The following RABGAP1L variants were observed in gnomAD, a reference collection of about 807,000 sequenced individuals.
RABGAP1L encodes the protein RAB GTPase activating protein 1 like.
RABGAP1L carries 63 observed loss-of-function variants against 137.7 expected under a neutral mutation model. The observed-to-expected ratio is 0.46, with a 90% CI of 0.37 to 0.56. The LOEUF (loss-of-function observed/expected upper bound fraction) is 0.56. RABGAP1L is among the 20% of genes least tolerant of loss of function. The probability of loss-of-function intolerance (pLI) is 0.00; values close to 1 mark genes in which losing one functional copy is unlikely to be tolerated. For missense variants in RABGAP1L, 1,095 were observed against 1,244.0 expected (o/e 0.88, Z 1.80); for synonymous variants, 431 against 433.7 (o/e 0.99, Z 0.08).
chr1:174,244,983 C>T (rs773250279), intron 5 of RABGAP1L: 1 of 152,142 alleles, frequency 6.6e-6, no homozygotes, highest in Non-Finnish European at 1.5e-5. Flanking sequence ...TCAAGGGCAT[C>T]ATTGGGAAGA....
At position 174,295,190 on chromosome 1, in the gene RABGAP1L, T is replaced by C. The variant is rs149803103; in HGVS notation, c.1324-9796T>C. ...CCTTGGCCTCCCAAAATGCTGGGAT[T>C]GCAGGCATGAGCCACTGCGCCCGGA... On this transcript the variant is annotated intron_variant, in intron 10 of 25. Transcript: ENST00000681986. Among the ~76,000 whole-genome samples, 104 of 151,976 alleles carry C rather than the reference T, an allele frequency of 6.8e-4. 1 individual carries two copies. Among genetic ancestry groups the C allele is most frequent in the African/African-American group, 2.3e-3 (95 of 41,450 alleles).
chr1:174,682,321 C>T lies in RABGAP1L; in HGVS notation c.1825-1201C>T, dbSNP rs562296745. Among the ~76,000 whole-genome samples the T allele has an allele frequency of 4.7e-3, 632 of 135,638 alleles. 7 individuals carry two copies. The highest frequency in any genetic ancestry group is 0.023 in the African/African-American group (605 of 26,534). 89.0% of individuals were successfully genotyped at this position (135,638 alleles called of 152,430 possible). A position where few individuals can be genotyped will look rare whatever the true frequency, so the allele number is the denominator to read the frequency against. ...CTATACATACATATATATATATACA[C>T]ACACACACACACACACACATACATC... On this transcript the variant is annotated intron_variant, in intron 14 of 25. Coordinates refer to ENST00000681986, the MANE Select transcript of RABGAP1L (RefSeq NM_001366446.1).
chr1:174,675,043 G>A (rs940753688), intron 14 of RABGAP1L, among the ~76,000 whole-genome samples: 1 of 151,952 alleles, frequency 6.6e-6, no homozygotes, highest in South Asian at 2.1e-4. Flanking sequence ...TAGGTTGCCT[G>A]TTCACTCTGA....
intron 18 of RABGAP1L, among the ~76,000 whole-genome samples, chr1:174,762,184 G>T (rs1457222655): frequency 1.3e-5 from 2 of 152,090 alleles, no homozygotes; most frequent in Non-Finnish European, 2.9e-5. Flanking sequence ...TCCTTTAAAG[G>T]CCTCCATTGC....
At chr1:174,866,254 T>A (rs989638222) in intron 19 of RABGAP1L, among the ~76,000 whole-genome samples, 14 of 151,824 alleles carry the variant, frequency 9.2e-5, no homozygotes, top group African/African-American at 3.4e-4. Flanking sequence ...TATCTATCTA[T>A]AGAAATATAA....
At chr1:174,716,241 T>C (rs761206485) in intron 17 of RABGAP1L, among the ~76,000 whole-genome samples, 4 of 152,240 alleles carry the variant, frequency 2.6e-5, no homozygotes, top group Non-Finnish European at 5.9e-5. Context: ...AACTTAATTA[T>C]CTGCATCCAT....
At chr1:174,277,080 T>G (rs1675064092) in intron 9 of RABGAP1L, among the ~76,000 whole-genome samples, 1 of 152,136 alleles carries the variant, frequency 6.6e-6, no homozygotes, top group African/African-American at 2.4e-5. Context: ...TATGAAAATA[T>G]AATATGTTAA....
Position 174,562,299 on chromosome 1 carries a change from A to G in RABGAP1L, c.1711-75076A>G, listed in dbSNP as rs186464862. Among the ~76,000 whole-genome samples the G allele has an allele frequency of 3.9e-3, 590 of 152,388 alleles. 7 individuals are homozygous for G. The highest frequency in any genetic ancestry group is 0.014 in the African/African-American group (572 of 41,592). ...TAGAGAAATGCAAATCAAAACCACA[A>G]TGAGATAACAATCTCACACCATTTA... is the stretch of plus-strand genomic sequence containing the variant. On this transcript the variant is annotated intron_variant, in intron 13 of 25. Coordinates refer to ENST00000681986, the MANE Select transcript of RABGAP1L (RefSeq NM_001366446.1).
intron 18 of RABGAP1L, among the ~76,000 whole-genome samples, chr1:174,759,656 G>A (rs999922185): frequency 4.6e-5 from 7 of 151,954 alleles, no homozygotes; most frequent in East Asian, 3.9e-4. Flanking sequence ...GGTTATATAC[G>A]AAACATAGTA....
chr1:174,424,230 A>G (rs1202803031), intron 13 of RABGAP1L, among the ~76,000 whole-genome samples: 3 of 152,140 alleles, frequency 2.0e-5, no homozygotes, highest in Non-Finnish European at 2.9e-5. Context: ...GTGTTGACCT[A>G]AAATAAGATG....
chr1:174,558,474 T>C lies in RABGAP1L; in HGVS notation c.1711-78901T>C, dbSNP rs908886749. ...AAGAGTTACCCTAGAGAGACAAATA[T>C]TCTTTCTGTGTCTTCTATCATTCTG... On this transcript the variant is annotated intron_variant, in intron 13 of 25. Coordinates refer to ENST00000681986, the MANE Select transcript of RABGAP1L (RefSeq NM_001366446.1). Among the ~76,000 whole-genome samples the C allele has an allele frequency of 2.0e-5, 3 of 152,240 alleles. No homozygotes were observed. The East Asian group carries it at 5.8e-4, about 29-fold the overall frequency.
intron 13 of RABGAP1L, among the ~76,000 whole-genome samples, chr1:174,534,334 G>A (rs1207079837): frequency 6.6e-6 from 1 of 152,070 alleles, no homozygotes; most frequent in Non-Finnish European, 1.5e-5. Context: ...CGTTATTCAT[G>A]AGGATTACAT....
intron 23 of RABGAP1L, 55 bp downstream of exon 23, chr1:174,978,945 ATTTTT>A: frequency 8.6e-7 from 1 of 1,164,766 alleles, no homozygotes; most frequent in Non-Finnish European, 1.1e-6. Context: ...TATAAAAGTA[ATTTTT>A]TTTTTTTTGC....
At chr1:174,555,189 T>C (rs1249207181) in intron 13 of RABGAP1L, among the ~76,000 whole-genome samples, 1 of 152,204 alleles carries the variant, frequency 6.6e-6, no homozygotes, top group African/African-American at 2.4e-5. Flanking sequence ...TGGAATAGAC[T>C]ATAAATTTAG....
intron 1 of RABGAP1L, among the ~76,000 whole-genome samples, chr1:174,204,558 C>G (rs941956654): frequency 1.3e-5 from 2 of 152,070 alleles, no homozygotes; most frequent in African/African-American, 4.8e-5. Context: ...TCATAGATGG[C>G]TTATTATTTT....
intron 11 of RABGAP1L, among the ~76,000 whole-genome samples, chr1:174,363,459 G>C (rs1684315154): frequency 6.6e-6 from 1 of 152,046 alleles, no homozygotes. Flanking sequence ...TGATTTCTTT[G>C]AGCAGTGGTT....
chr1:174,431,824 T>C lies in RABGAP1L; in HGVS notation c.1710+37679T>C, dbSNP rs187119344. Among the ~76,000 whole-genome samples, 195 of 152,308 alleles carry C rather than the reference T, an allele frequency of 1.3e-3. 1 individual carries two copies. Among genetic ancestry groups the C allele is most frequent in the African/African-American group, 4.6e-3 (191 of 41,574 alleles). On this transcript the variant is annotated intron_variant, in intron 13 of 25. Coordinates refer to ENST00000681986, the MANE Select transcript of RABGAP1L (RefSeq NM_001366446.1). ...TGATCCTAGGCTACCAAATATTAAA[T>C]TATGTCAGAATTCTTGGTTTAAGAA...
Position 174,507,429 on chromosome 1 carries a change from A to T in RABGAP1L, c.1710+113284A>T, listed in dbSNP as rs185500254. 2.7e-3 allele frequency among the ~76,000 whole-genome samples: 410 copies of T among 152,244 alleles called. 4 individuals are homozygous for T. Among genetic ancestry groups the T allele is most frequent in the African/African-American group, 9.6e-3 (398 of 41,540 alleles). ...TACCATGGAAAAATAAACATATGTT[A>T]AAAAAATACCAGTACCTTCAAACAC... On this transcript the variant is annotated intron_variant, in intron 13 of 25. Coordinates refer to ENST00000681986, the MANE Select transcript of RABGAP1L (RefSeq NM_001366446.1).
At chr1:174,330,210 A>G (rs1010419558) in intron 11 of RABGAP1L, among the ~76,000 whole-genome samples, 11 of 152,214 alleles carry the variant, frequency 7.2e-5, no homozygotes, top group African/African-American at 2.2e-4. Context: ...AAGTTGCAGA[A>G]TACAAAAAGC....
Sources: allele counts gnomAD v4.1 joint callset (sites outside exome capture counted in the v4.1 genomes callset), GRCh38; gene constraint gnomAD v4.1.1; transcripts MANE v1.5; gene names NCBI Gene and HGNC (gene_info 2026-07-23, HGNC 2026-07-21).